The following FRMPD4 variants were observed in gnomAD, a reference collection of about 807,000 sequenced individuals.
The protein encoded by FRMPD4 is FERM and PDZ domain containing 4, also known as FERM and PDZ domain-containing protein 4.
In FRMPD4, 22 loss-of-function variants were observed where a neutral mutation model predicts 94.1. The observed-to-expected ratio is 0.23, with a 90% CI of 0.17 to 0.33. The LOEUF (loss-of-function observed/expected upper bound fraction) is 0.33, where lower values mean the gene tolerates loss of function less well. FRMPD4 is among the 10% of genes least tolerant of loss of function. FRMPD4 has a pLI of 1.00. For missense variants in FRMPD4, 1,111 were observed against 1,339.9 expected, an observed-to-expected ratio of 0.83 and a Z score of 2.67; for synonymous variants, 631 against 548.6, an observed-to-expected ratio of 1.15 and a Z score of -2.10.
intron 3 of FRMPD4, among the ~76,000 whole-genome samples, chrX:11,989,586 T>C (rs1601872622): frequency 9.0e-6 from 1 of 110,879 alleles, no homozygotes; most frequent in East Asian, 2.8e-4. Context: ...TAAAGTACAA[T>C]GAGGTGACTA....
chrX:12,093,372 C>T (rs2055171148), intron 3 of FRMPD4, among the ~76,000 whole-genome samples: 1 of 110,887 alleles, frequency 9.0e-6, no homozygotes, highest in Non-Finnish European at 1.9e-5. Flanking sequence ...CCCTCCTTTT[C>T]CCCCAAGCCA....
chrX:12,228,847 G>A lies in FRMPD4; in HGVS notation c.41+89835G>A, dbSNP rs753901153. Among the ~76,000 whole-genome samples, 4 of 112,155 alleles carry A rather than the reference G, an allele frequency of 3.6e-5. No individual in the cohort carries two copies. In the South Asian group the frequency reaches 1.5e-3, roughly 42 times the overall value. ...TGTCTTTTTCTTGGGCCCATGTGGA[G>A]TTTTTATTACTTTGTCATTGTTGCC... On this transcript the variant is annotated intron_variant, in intron 1 of 16. Transcript: ENST00000675598.
intron 3 of FRMPD4, among the ~76,000 whole-genome samples, chrX:12,107,648 C>T (rs1489235613): frequency 9.0e-6 from 1 of 110,921 alleles, no homozygotes; most frequent in East Asian, 2.8e-4. Flanking sequence ...AAGTTTGAAC[C>T]CATCACAAAG....
chrX:11,984,594 C>A (rs896731719), intron 3 of FRMPD4, among the ~76,000 whole-genome samples: 5 of 112,173 alleles, frequency 4.5e-5, no homozygotes, highest in Non-Finnish European at 9.4e-5. Context: ...TAAGTTGAAC[C>A]AATTGAGATG....
At chrX:12,610,649 G>A (rs962115890) in intron 3 of FRMPD4, among the ~76,000 whole-genome samples, 2 of 110,657 alleles carry the variant, frequency 1.8e-5, no homozygotes, top group Non-Finnish European at 3.8e-5. Context: ...TCGGGAGACT[G>A]AGGCATGAGA....
At chrX:12,317,585 C>CAAAAAAAAAAAAAAAA (rs376884335) in intron 1 of FRMPD4, among the ~76,000 whole-genome samples, 251 of 41,594 alleles carry the variant, frequency 6.0e-3, no homozygotes, top group Middle Eastern at 0.03. Flanking sequence ...AACTAAATAG[C>CAAAAAAAAAAAAAAAA]AAAAAAAAAA....
At chrX:12,632,409 A>T (rs2059404283) in intron 4 of FRMPD4, among the ~76,000 whole-genome samples, 1 of 112,085 alleles carries the variant, frequency 8.9e-6, no homozygotes, top group African/African-American at 3.2e-5. Flanking sequence ...ACTAATCCTG[A>T]TGGTGATCCC....
At chrX:12,022,707 G>A (rs767939996) in intron 3 of FRMPD4, among the ~76,000 whole-genome samples, 109 of 111,778 alleles carry the variant, frequency 9.8e-4, no homozygotes, top group Middle Eastern at 4.6e-3. Flanking sequence ...CTGAAGCAGA[G>A]TTGGGAACCA....
intron 3 of FRMPD4, among the ~76,000 whole-genome samples, chrX:12,123,123 C>CTTTTTTTTTTTTTTT (rs58251577): frequency 2.4e-5 from 2 of 84,328 alleles, no homozygotes; most frequent in Non-Finnish European, 4.6e-5. Flanking sequence ...ATTTTCTTTT[C>CTTTTTTTTTTTTTTT]TTTTTTTTTT....
At chrX:11,887,490 G>A (rs1460620280) in intron 3 of FRMPD4, among the ~76,000 whole-genome samples, 1 of 112,036 alleles carries the variant, frequency 8.9e-6, no homozygotes, top group Non-Finnish European at 1.9e-5. Flanking sequence ...TCCATCCTCT[G>A]CCTCTTGGCA....
intron 3 of FRMPD4, among the ~76,000 whole-genome samples, chrX:12,050,950 G>C (rs954864414): frequency 5.4e-5 from 6 of 111,610 alleles, no homozygotes; most frequent in Non-Finnish European, 1.1e-4. Flanking sequence ...TAGATAAATT[G>C]TGATACATTA....
At chrX:12,609,570 G>A in intron 2 of FRMPD4, 151 bp from the exon 3 acceptor site, 1 of 475,375 alleles carries the variant, frequency 2.1e-6, no homozygotes, top group Non-Finnish European at 3.5e-6. Context: ...GCCCAAGTAG[G>A]CCACGAAAGA....
chrX:12,241,978 AGAG>A (rs1433496516), intron 1 of FRMPD4, among the ~76,000 whole-genome samples: 7 of 108,200 alleles, frequency 6.5e-5, no homozygotes, highest in Non-Finnish European at 9.6e-5. Context: ...AGGAAGAGGA[AGAG>A]GAAGAAGAAG....
intron 9 of FRMPD4, among the ~76,000 whole-genome samples, chrX:12,699,393 A>T (rs1291926612): frequency 8.9e-6 from 1 of 112,696 alleles, no homozygotes; most frequent in Non-Finnish European, 1.9e-5. Context: ...AAGGTGGAAG[A>T]TCACATTAGG....
chrX:12,527,244 C>T (rs767878876), intron 2 of FRMPD4, among the ~76,000 whole-genome samples: 31 of 111,595 alleles, frequency 2.8e-4, no homozygotes, highest in Non-Finnish European at 4.9e-4. Flanking sequence ...ACTGATTTTT[C>T]AATTGTTGGA....
At chrX:12,621,010 T>G (rs1475069864) in intron 4 of FRMPD4, among the ~76,000 whole-genome samples, 1 of 111,108 alleles carries the variant, frequency 9.0e-6, no homozygotes, top group Non-Finnish European at 1.9e-5. Context: ...CACTTGAGGT[T>G]AGGAGTTTGA....
At chrX:12,440,037 G>A (rs1279491400) in intron 1 of FRMPD4, among the ~76,000 whole-genome samples, 1 of 111,680 alleles carries the variant, frequency 9.0e-6, no homozygotes, top group Non-Finnish European at 1.9e-5. Context: ...CCAAGCTTTA[G>A]TTTTTTTAAA....
intron 3 of FRMPD4, among the ~76,000 whole-genome samples, chrX:12,057,984 C>T (rs2054863801): frequency 9.0e-6 from 1 of 110,872 alleles, no homozygotes; most frequent in Non-Finnish European, 1.9e-5. Flanking sequence ...CTTATATAAG[C>T]ATCTGCATGT....
chrX:12,132,239 GA>G (rs35315847), intron 3 of FRMPD4, among the ~76,000 whole-genome samples: 18,769 of 103,486 alleles, frequency 0.18, 1,700 homozygotes, highest in East Asian at 0.58. Context: ...GTTTAGGAGG[GA>G]AAAAAAAAAA....
Sources: gnomAD v4.1 joint callset for allele counts (sites outside exome capture counted in the v4.1 genomes callset) on GRCh38, gnomAD v4.1.1 for gene constraint, MANE v1.5 for transcripts, NCBI Gene and HGNC (gene_info 2026-07-23, HGNC 2026-07-21) for gene names.